LPO: variants seen among roughly 807,000 people sequenced by gnomAD.
LPO encodes lactoperoxidase.
Under a neutral mutation model 68.4 loss-of-function variants are expected in LPO, and 70 were observed. The ratio of observed to expected loss-of-function variants is 1.02; its 90% CI spans 0.84 to 1.25. The LOEUF (loss-of-function observed/expected upper bound fraction) is 1.25, where lower values mean the gene tolerates loss of function less well. LPO is among the 50% of genes most tolerant of loss of function. The pLI is 0.00. For synonymous variants in LPO, 360 were observed against 357.6 expected (o/e 1.01, Z -0.08); for missense variants, 873 against 908.4 (o/e 0.96, Z 0.50).
At chr17:58,249,281 G>A in intron 5 of LPO, 104 bp downstream of exon 5, 1 of 1,076,432 alleles carries the variant, frequency 9.3e-7, no homozygotes, top group Non-Finnish European at 1.3e-6. Context: ...CCACTGCCTT[G>A]CCCACCTGGG....
At chr17:58,248,637 T>G (rs1969895695) in intron 4 of LPO, among the ~76,000 whole-genome samples, 1 of 152,200 alleles carries the variant, frequency 6.6e-6, no homozygotes, top group South Asian at 2.1e-4. Flanking sequence ...CCCTGCTTGC[T>G]TGGTACTTCA....
intron 11 of LPO, 138 bp from the exon 12 acceptor site, chr17:58,267,211 T>C (rs1458057361): frequency 1.6e-6 from 1 of 627,360 alleles, no homozygotes; most frequent in Non-Finnish European, 2.8e-6. Context: ...TAAAAAACAA[T>C]GGATTCCCTC....
intron 8 of LPO, among the ~76,000 whole-genome samples, chr17:58,252,813 C>T (rs1481441293): frequency 1.3e-5 from 2 of 151,868 alleles, no homozygotes; most frequent in African/African-American, 2.4e-5. Flanking sequence ...CATGAGGTCA[C>T]GAGATCGAGA....
intron 6 of LPO, 74 bp downstream of exon 6, chr17:58,249,769 AAGG>A: frequency 2.7e-6 from 4 of 1,481,226 alleles, no homozygotes; most frequent in Non-Finnish European, 3.6e-6. Context: ...CACGCAGTGA[AAGG>A]AGGAGGAGGG....
intron 10 of LPO, 103 bp downstream of exon 10, chr17:58,265,077 C>T (rs1049172295): frequency 1.8e-5 from 27 of 1,464,952 alleles, no homozygotes; most frequent in Non-Finnish European, 2.4e-5. Flanking sequence ...TTTACATGAC[C>T]TTGGGCAAAT....
In LPO at chr17:58,254,907, A is replaced by G; in HGVS notation, c.1202A>G (p.Asn401Ser). 1 of 1,613,956 alleles carries G rather than the reference A, an allele frequency of 6.2e-7. No homozygotes were observed. Among genetic ancestry groups the G allele is most frequent in the Non-Finnish European group, 8.5e-7 (1 of 1,179,984 alleles). The change falls in exon 9 of 13, where the codon AAC becomes AGC. Residue 401 changes from asparagine (N) to serine (S), a missense_variant. Physicochemically the swap from Asn to Ser is conservative, Grantham distance 46. Transcript: ENST00000262290. ...NRLARELKRL[N>S]PQWDGEKLYQ... ...CTGGCCAGAGAACTAAAGAGACTCA[A>G]CCCTCAGTGGGATGGAGAGAAGCTC...
intron 3 of LPO, 85 bp downstream of exon 3, chr17:58,244,166 C>T: frequency 8.9e-7 from 1 of 1,123,540 alleles, no homozygotes; most frequent in Non-Finnish European, 1.3e-6. Flanking sequence ...ATGACAAGCA[C>T]ATCTAGGCCA....
At position 58,249,699 on chromosome 17, in the gene LPO, A is replaced by G. The variant is rs1297451628; in HGVS notation, c.573+4A>G. On this transcript the variant is annotated splice_donor_region_variant and intron_variant, in intron 6 of 12. Transcript: ENST00000262290. ...CAACGGCTTCCCTCTCCCGCTGGTG[A>G]GGGCAGGCCGGGCCGGGGTGAAGGA... 5 of 1,557,926 alleles carry G rather than the reference A, an allele frequency of 3.2e-6. No individual in the cohort carries two copies. The highest frequency in any genetic ancestry group is 4.3e-6 in the Non-Finnish European group (5 of 1,160,144).
intron 9 of LPO, among the ~76,000 whole-genome samples, chr17:58,264,174 T>C (rs558116350): frequency 6.6e-6 from 1 of 152,324 alleles, no homozygotes; most frequent in East Asian, 1.9e-4. Flanking sequence ...AGAATAAAAA[T>C]TAATATAATT....
intron 9 of LPO, among the ~76,000 whole-genome samples, chr17:58,259,909 G>T (rs141248034): frequency 3.7e-4 from 56 of 152,236 alleles, no homozygotes; most frequent in African/African-American, 1.3e-3. Context: ...GCAACCTCCC[G>T]GGTTCAAGTG....
At chr17:58,244,977 CT>C (rs8178300) in intron 3 of LPO, among the ~76,000 whole-genome samples, 8,348 of 152,282 alleles carry the variant, frequency 0.055, 282 homozygotes, top group Middle Eastern at 0.13. Context: ...TAACCTTATT[CT>C]TTCCTCTCGC....
intron 7 of LPO, chr17:58,251,881 C>T (rs1487191964): frequency 1.1e-5 from 7 of 658,494 alleles, no homozygotes; most frequent in East Asian, 6.5e-5. Context: ...GTTCCCACCT[C>T]GTGTCCTGCT....
chr17:58,262,682 C>A (rs1160626168), intron 9 of LPO, among the ~76,000 whole-genome samples: 1 of 152,152 alleles, frequency 6.6e-6, no homozygotes, highest in Admixed American at 6.6e-5. Context: ...CGTGAGCCAC[C>A]ACACCCAGCC....
At position 58,260,991 on chromosome 17, in the gene LPO, T is replaced by A. The variant is rs1043141859; in HGVS notation, c.1267-3731T>A. 3.1e-4 allele frequency among the ~76,000 whole-genome samples: 47 copies of A among 152,358 alleles called. 1 individual carries two copies. The highest frequency in any genetic ancestry group is 6.5e-5 in the Admixed American group (1 of 15,304). Reference sequence around the variant, plus strand: ...TTGATTCCATCATGATCAGAAACTATACTCTGTATGATTTCAATTTTAAAT... The same window carrying A: ...TTGATTCCATCATGATCAGAAACTAAACTCTGTATGATTTCAATTTTAAAT... On this transcript the variant is annotated intron_variant, in intron 9 of 12. Transcript: ENST00000262290.
intron 6 of LPO, among the ~76,000 whole-genome samples, chr17:58,250,050 C>T (rs541361914): frequency 6.6e-6 from 1 of 152,326 alleles, no homozygotes; most frequent in African/African-American, 2.4e-5. Context: ...AGCCCCTACC[C>T]AGAGCCCCTC....
rs149058129 is a variant in LPO at position 58,267,348 on chromosome 17, G to C, written c.1694-1G>C. 1.9e-6 allele frequency: 3 copies of C among 1,613,022 alleles called. No homozygotes were observed. In the South Asian group the frequency reaches 3.3e-5, roughly 18 times the overall value. On this transcript the variant is annotated splice_acceptor_variant, in intron 11 of 12. Coordinates refer to ENST00000262290, the MANE Select transcript of LPO (RefSeq NM_006151.3). LOFTEE classifies it high-confidence loss of function. ...AGACAGCCTCAGTCTCTCCACCCTA[G>C]GGTACAATTCCTGGAGAGCCTTCTG...
chr17:58,248,751 A>C lies in LPO; in HGVS notation c.326-309A>C, dbSNP rs8178327. Among the ~76,000 whole-genome samples, 964 of 152,296 alleles carry C rather than the reference A, an allele frequency of 6.3e-3. 7 individuals carry two copies. Among genetic ancestry groups the C allele is most frequent in the African/African-American group, 0.021 (885 of 41,550 alleles). On this transcript the variant is annotated intron_variant, in intron 4 of 12. Coordinates refer to ENST00000262290, the MANE Select transcript of LPO (RefSeq NM_006151.3). Reference sequence around the variant, plus strand: ...TCCATTCTAAAAGAAAGATCTGTCAATTCAAATGAATCTGGACCTGGTATA... The same window carrying C: ...TCCATTCTAAAAGAAAGATCTGTCACTTCAAATGAATCTGGACCTGGTATA...
In LPO at chr17:58,249,584, C is replaced by CGCCGCCAACAGGGCTCTGGCGCGCTGGCT; in HGVS notation, c.466_494dup (p.Ala166ProfsTer48). 1.2e-6 allele frequency: 2 copies of CGCCGCCAACAGGGCTCTGGCGCGCTGGCT among 1,603,702 alleles called. No homozygotes were observed. The highest frequency in any genetic ancestry group is 1.7e-6 in the Non-Finnish European group (2 of 1,179,160). ...GTTTCAGGAGGAAGCCTGCGCTGGGCGCCGCCAACAGGGCTCTGGCGCGCT... is the reference window on the plus strand; with the variant it reads ...GTTTCAGGAGGAAGCCTGCGCTGGGCGCCGCCAACAGGGCTCTGGCGCGCTGGCTGCCGCCAACAGGGCTCTGGCGCGCT... On this transcript the variant is annotated frameshift_variant, in exon 6 of 13. Coordinates refer to ENST00000262290, the MANE Select transcript of LPO (RefSeq NM_006151.3). LOFTEE classifies it high-confidence loss of function.
chr17:58,256,178 T>C (rs986062483), intron 9 of LPO, among the ~76,000 whole-genome samples: 21 of 152,230 alleles, frequency 1.4e-4, no homozygotes, highest in Admixed American at 9.2e-4. Flanking sequence ...TATAAATATT[T>C]CATTCCTTTT....
Sources: allele counts gnomAD v4.1 joint callset (sites outside exome capture counted in the v4.1 genomes callset), GRCh38; gene constraint gnomAD v4.1.1; transcripts MANE v1.5; gene names NCBI Gene and HGNC (gene_info 2026-07-23, HGNC 2026-07-21).